RTN1: variants seen among roughly 807,000 people sequenced by gnomAD.
RTN1 encodes the protein reticulon 1, also known as reticulon-1.
Under a neutral mutation model 65.5 loss-of-function variants are expected in RTN1, and 25 were observed. The ratio of observed to expected loss-of-function variants is 0.38; its 90% CI spans 0.28 to 0.53. RTN1 has a LOEUF of 0.53. RTN1 is among the 20% of genes least tolerant of loss of function. The probability of loss-of-function intolerance (pLI) is 0.79; values close to 1 mark genes in which losing one functional copy is unlikely to be tolerated. For missense variants in RTN1, 983 were observed against 1,025.4 expected, an observed-to-expected ratio of 0.96 and a Z score of 0.57; for synonymous variants, 471 against 447.6, an observed-to-expected ratio of 1.05 and a Z score of -0.66.
At chr14:59,714,086 T>A (rs1051809269) in intron 3 of RTN1, among the ~76,000 whole-genome samples, 2 of 151,946 alleles carry the variant, frequency 1.3e-5, no homozygotes, top group Non-Finnish European at 2.9e-5. Flanking sequence ...ATAAAAAAAA[T>A]TGGCCAGGCA....
At chr14:59,680,434 T>C (rs1290266766) in intron 3 of RTN1, among the ~76,000 whole-genome samples, 1 of 152,244 alleles carries the variant, frequency 6.6e-6, no homozygotes, top group Non-Finnish European at 1.5e-5. Context: ...ATAGTTGTCA[T>C]TGTTTACAAT....
chr14:59,809,805 C>A (rs965898838), intron 1 of RTN1, among the ~76,000 whole-genome samples: 2 of 152,102 alleles, frequency 1.3e-5, no homozygotes, highest in Non-Finnish European at 1.5e-5. Flanking sequence ...ACAACAGAAC[C>A]CCCAGATGCC....
chr14:59,788,602 G>A (rs183464765), intron 1 of RTN1, among the ~76,000 whole-genome samples: 12 of 152,104 alleles, frequency 7.9e-5, no homozygotes, highest in Non-Finnish European at 1.5e-4. Flanking sequence ...AAATACATTG[G>A]TCATGTATCC....
chr14:59,741,108 CA>C (rs746904296), intron 2 of RTN1, among the ~76,000 whole-genome samples: 10 of 152,312 alleles, frequency 6.6e-5, no homozygotes, highest in South Asian at 2.1e-4. Context: ...CTCCATGCAG[CA>C]TCCGGAAGGA....
At position 59,746,382 on chromosome 14, in the gene RTN1, T is replaced by C. The variant is rs1885226193; in HGVS notation, c.341A>G (p.Tyr114Cys). 1.2e-6 allele frequency: 2 copies of C among 1,614,110 alleles called. No individual in the cohort carries two copies. The highest frequency in any genetic ancestry group is 1.7e-6 in the Non-Finnish European group (2 of 1,179,982). ...CYTSLISDIC[Y>C]PPQEDSTYFT... Reference sequence around the variant, plus strand: ...ATATGTAGAATCCTCCTGAGGTGGATAGCAGATGTCAGAAATGAGAGATGT... The same window carrying C: ...ATATGTAGAATCCTCCTGAGGTGGACAGCAGATGTCAGAAATGAGAGATGT... Residue 114 changes from tyrosine to cysteine, a missense_variant, in exon 2 of 9, where the codon TAT becomes TGT. Tyr to Cys is a radical substitution (Grantham distance 194, BLOSUM62 -2). Transcript: ENST00000267484.
chr14:59,750,269 TCTATA>T (rs1885450889), intron 1 of RTN1, among the ~76,000 whole-genome samples: 1 of 73,100 alleles, frequency 1.4e-5, no homozygotes, highest in African/African-American at 6.8e-5. Context: ...ATATATAATA[TCTATA>T]ATATATAATA....
At position 59,706,837 on chromosome 14, in the gene RTN1, A is replaced by C. The variant is rs1037322938; in HGVS notation, c.1765+20082T>G. Reference sequence around the variant, plus strand: ...ACTTCTCCCTCCTCTGAAATCCAATAGCACTTAGGATTGACAGGATTTGTA... The same window carrying C: ...ACTTCTCCCTCCTCTGAAATCCAATCGCACTTAGGATTGACAGGATTTGTA... On this transcript the variant is annotated intron_variant, in intron 3 of 8. Transcript: ENST00000267484. Among the ~76,000 whole-genome samples, 8 of 152,234 alleles carry C rather than the reference A, an allele frequency of 5.3e-5. No individual in the cohort carries two copies. The South Asian group carries it at 1.0e-3, about 20-fold the overall frequency.
chr14:59,821,448 C>A (rs993616842), intron 1 of RTN1, among the ~76,000 whole-genome samples: 1 of 152,216 alleles, frequency 6.6e-6, no homozygotes, highest in African/African-American at 2.4e-5. Flanking sequence ...AGTATAGAAT[C>A]ATATAATCTG....
At chr14:59,806,037 A>C (rs1594750460) in intron 1 of RTN1, among the ~76,000 whole-genome samples, 1 of 150,284 alleles carries the variant, frequency 6.7e-6, no homozygotes, top group Non-Finnish European at 1.5e-5. Context: ...AGAGATAGAG[A>C]CCATCCTGGC....
chr14:59,607,555 G>T (rs1223722441), intron 3 of RTN1, 63 bp from the exon 4 acceptor site: 5 of 1,396,980 alleles, frequency 3.6e-6, no homozygotes, highest in Non-Finnish European at 5.0e-6. Context: ...AGCCGCTGTG[G>T]CTCACTCCAC....
intron 1 of RTN1, among the ~76,000 whole-genome samples, chr14:59,823,751 G>A (rs1489130132): frequency 6.6e-6 from 1 of 152,094 alleles, no homozygotes; most frequent in Non-Finnish European, 1.5e-5. Context: ...TGTGTGTCTT[G>A]GGGATGGTTG....
chr14:59,652,579 C>T (rs977333255), intron 3 of RTN1, among the ~76,000 whole-genome samples: 4 of 152,040 alleles, frequency 2.6e-5, no homozygotes, highest in African/African-American at 9.7e-5. Flanking sequence ...GATGCAGGAA[C>T]AGAAAACCAA....
intron 1 of RTN1, among the ~76,000 whole-genome samples, chr14:59,841,064 G>T: frequency 6.6e-6 from 1 of 152,124 alleles, no homozygotes; most frequent in East Asian, 1.9e-4. Flanking sequence ...TATTTAAAAA[G>T]TCTGGATAAT....
intron 3 of RTN1, among the ~76,000 whole-genome samples, chr14:59,710,917 T>C (rs1355975027): frequency 6.6e-6 from 1 of 152,250 alleles, no homozygotes; most frequent in Non-Finnish European, 1.5e-5. Context: ...CTTAAAAGCA[T>C]TATTCAATTT....
chr14:59,831,074 C>T (rs75285837), intron 1 of RTN1, among the ~76,000 whole-genome samples: 1,858 of 152,222 alleles, frequency 0.012, 35 homozygotes, highest in African/African-American at 0.041. Flanking sequence ...ACTTTGCTAG[C>T]TTCTGGACAT....
intron 2 of RTN1, among the ~76,000 whole-genome samples, chr14:59,731,110 C>A (rs1884886236): frequency 6.6e-6 from 1 of 152,114 alleles, no homozygotes; most frequent in Admixed American, 6.6e-5. Context: ...AATCTAATAT[C>A]CATCAACTGA....
intron 3 of RTN1, among the ~76,000 whole-genome samples, chr14:59,663,288 T>C (rs1883290888): frequency 1.3e-5 from 2 of 152,080 alleles, no homozygotes; most frequent in Admixed American, 1.3e-4. Context: ...AAGACTTAAA[T>C]GTAAGACCTA....
At chr14:59,603,374 T>A in intron 6 of RTN1, 116 bp from the exon 7 acceptor site, 1 of 737,390 alleles carries the variant, frequency 1.4e-6, no homozygotes, top group South Asian at 2.4e-5. Context: ...TATACAGCAT[T>A]TTATTTTATT....
At chr14:59,745,606 A>G (rs995739506) in intron 2 of RTN1, 102 bp downstream of exon 2, 3 of 1,013,448 alleles carry the variant, frequency 3.0e-6, no homozygotes, top group East Asian at 2.4e-5. Flanking sequence ...TCCAGATAGT[A>G]AAGTATGTTG....
Sources: gnomAD v4.1 joint callset for allele counts (sites outside exome capture counted in the v4.1 genomes callset) on GRCh38, gnomAD v4.1.1 for gene constraint, MANE v1.5 for transcripts, NCBI Gene and HGNC (gene_info 2026-07-23, HGNC 2026-07-21) for gene names.